DHRS7: variants seen among roughly 807,000 people sequenced by gnomAD.
The protein encoded by DHRS7 is dehydrogenase/reductase 7.
Under a neutral mutation model 38.9 loss-of-function variants are expected in DHRS7, and 34 were observed. The observed-to-expected ratio is 0.87, with a 90% confidence interval of 0.66 to 1.16. The LOEUF (loss-of-function observed/expected upper bound fraction) is 1.16, where lower values mean the gene tolerates loss of function less well. Among genes scored for constraint, DHRS7 ranks in the 50% most tolerant of loss-of-function variants. The pLI is 0.00. For missense variants in DHRS7, 421 were observed against 407.0 expected, an observed-to-expected ratio of 1.03 and a Z score of -0.30; for synonymous variants, 158 against 153.1, an observed-to-expected ratio of 1.03 and a Z score of -0.24.
In DHRS7 at chr14:60,146,002, T is replaced by C. The variant is rs191431445; in HGVS notation, c.973-989A>G. ...AGCATTTTCTTAACTTAGACGCTTATCAATAAGAAAATTTATATATATACA... is the reference window on the plus strand; with the variant it reads ...AGCATTTTCTTAACTTAGACGCTTACCAATAAGAAAATTTATATATATACA... On this transcript the variant is annotated intron_variant, in intron 6 of 6. Coordinates refer to ENST00000557185, the MANE Select transcript of DHRS7 (RefSeq NM_016029.4). This position sits in a 1 kb window ranked among gnomAD's most constrained non-coding sequence, Gnocchi z 4.9. 17 of 149,724 alleles carry C rather than the reference T, an allele frequency of 1.1e-4. No individual in the cohort carries two copies. Among genetic ancestry groups the C allele is most frequent in the Non-Finnish European group, 8.9e-5 (6 of 67,494 alleles). 9.3% of individuals were successfully genotyped at this position (149,724 alleles called of 1,614,324 possible).
At chr14:60,156,218 A>G (rs1896657634) in intron 1 of DHRS7, 66 bp from the exon 2 acceptor site, 2 of 1,344,098 alleles carry the variant, frequency 1.5e-6, no homozygotes, top group East Asian at 2.7e-5. Flanking sequence ...ATCCAAGATT[A>G]GAAAAAAAAA....
chr14:60,155,862 G>A (rs1439672985), intron 2 of DHRS7, 138 bp downstream of exon 2: 1 of 869,476 alleles, frequency 1.2e-6, no homozygotes, highest in Admixed American at 3.8e-5. Context: ...AGGCAAAAAG[G>A]AGAGGAACTG....
At chr14:60,154,090 GGA>G in intron 2 of DHRS7, 25 bp from the exon 3 acceptor site, 1 of 1,586,076 alleles carries the variant, frequency 6.3e-7, no homozygotes, top group South Asian at 1.1e-5. Flanking sequence ...AAATTTGTGT[GGA>G]AGTCATGCCA....
chr14:60,158,232 G>GAAAA lies in DHRS7; in HGVS notation c.134-2084_134-2081dup, dbSNP rs34207942. ...TGGGTGACAGAGTGAGACTCTGTCG[G>GAAAA]AAAAAAAAAAAAAAAAAAAAAAATC... On this transcript the variant is annotated intron_variant, in intron 1 of 6. Transcript: ENST00000557185. 1.9e-3 allele frequency among the ~76,000 whole-genome samples: 155 copies of GAAAA among 83,146 alleles called. 4 individuals are homozygous for GAAAA. In the East Asian group the frequency reaches 0.04, roughly 22 times the overall value. 54.5% of individuals were successfully genotyped at this position (83,146 alleles called of 152,430 possible). A position where few individuals can be genotyped will look rare whatever the true frequency, so the allele number is the denominator to read the frequency against.
upstream of DHRS7, among the ~76,000 whole-genome samples, chr14:60,166,634 CT>C (rs1221517359): frequency 4.4e-5 from 6 of 136,630 alleles, no homozygotes; most frequent in African/African-American, 2.0e-4. Context: ...TATAAACCCC[CT>C]ACCTGCCTCC....
In DHRS7 at chr14:60,162,378, T is replaced by TA. The variant is rs201218193; in HGVS notation, c.133+2798dup. ...ACAAAGCAAGACCTTGTCTCTCTAT[T>TA]AAAAAAAAAAAAAAATCACCATGTG... On this transcript the variant is annotated intron_variant, in intron 1 of 6. Transcript: ENST00000557185. The surrounding 1 kb of genome is among the most constrained non-coding windows in gnomAD (Gnocchi z 4.5). 5.2e-3 allele frequency among the ~76,000 whole-genome samples: 720 copies of TA among 139,150 alleles called. 3 individuals carry two copies. Among genetic ancestry groups the TA allele is most frequent in the African/African-American group, 0.011 (414 of 37,732 alleles). The allele number at this position is 139,150 out of a possible 152,430, so 91.3% of individuals were successfully genotyped here. A position where few individuals can be genotyped will look rare whatever the true frequency, so the allele number is the denominator to read the frequency against.
Position 60,165,031 on chromosome 14 carries a change from CT to C in DHRS7, c.133+145del. ...CCTCTTCCTCCCCAACCCGCAGCCC[CT>C]GCGTAAGGGGCAGCCGGGCCTTCGG... On this transcript the variant is annotated intron_variant, in intron 1 of 6. Transcript: ENST00000557185. This position sits in a 1 kb window ranked among gnomAD's most constrained non-coding sequence, Gnocchi z 4.6. 1 of 1,044,552 alleles carries C rather than the reference CT, an allele frequency of 9.6e-7. No homozygotes were observed. The highest frequency in any genetic ancestry group is 2.6e-5 in the East Asian group (1 of 38,238). The allele number at this position is 1,044,552 out of a possible 1,614,324, so 64.7% of individuals were successfully genotyped here. A position where few individuals can be genotyped will look rare whatever the true frequency, so the allele number is the denominator to read the frequency against.
chr14:60,155,691 C>T (rs1194150252), intron 2 of DHRS7: 2 of 200,528 alleles, frequency 1.0e-5, no homozygotes, highest in East Asian at 2.3e-4. Flanking sequence ...TGGATAAGAA[C>T]CCAACTGTTT....
chr14:60,154,008 G>C lies in DHRS7; in HGVS notation c.344C>G (p.Thr115Ser). 1 of 1,614,116 alleles carries C rather than the reference G, an allele frequency of 6.2e-7. No individual in the cohort carries two copies. The highest frequency in any genetic ancestry group is 8.5e-7 in the Non-Finnish European group (1 of 1,179,974). Residue 115 changes from threonine (T) to serine (S), a missense_variant, in exon 3 of 7, where the codon ACT becomes AGT. Transcript: ENST00000557185. ...ILVLPLDLTD[T>S]GSHEAATKAV... ...TTTGGTAGCCGCTTCATGGGAACCA[G>C]TGTCGGTCAGGTCAAGGGGCAAAAC...
chr14:60,158,232 GA>G (rs34207942), intron 1 of DHRS7, among the ~76,000 whole-genome samples: 304 of 83,158 alleles, frequency 3.7e-3, no homozygotes, highest in Admixed American at 8.6e-3. Flanking sequence ...GACTCTGTCG[GA>G]AAAAAAAAAA....
At position 60,162,952 on chromosome 14, in the gene DHRS7, C is replaced by T. The variant is rs1896792343; in HGVS notation, c.133+2225G>A. On this transcript the variant is annotated intron_variant, in intron 1 of 6. Transcript: ENST00000557185. This position sits in a 1 kb window ranked among gnomAD's most constrained non-coding sequence, Gnocchi z 4.5. ...TGGGAGGCAGAGCGGGGTGGATCAC[C>T]TGAGGTCAGGGGTTTGAGACTAGCC... 6.6e-6 allele frequency among the ~76,000 whole-genome samples: 1 copy of T among 152,092 alleles called. No individual in the cohort carries two copies. Among genetic ancestry groups the T allele is most frequent in the Admixed American group, 6.5e-5 (1 of 15,272 alleles).
At position 60,144,972 on chromosome 14, in the gene DHRS7, A is replaced by T; in HGVS notation, c.1014T>A (p.His338Gln). The T allele has an allele frequency of 6.2e-7, 1 of 1,605,334 alleles. No individual in the cohort carries two copies. Among genetic ancestry groups the T allele is most frequent in the Non-Finnish European group, 8.5e-7 (1 of 1,177,314 alleles). The part of the protein sequence containing the change: ...SSYFKIFKTK[H>Q]D ...AAAAGTACAGGTGCTCTTTTCAGTC[A>T]TGTTTTGTCTTAAAGATTTTAAAAT... Residue 338 changes from histidine (H) to glutamine (Q), a missense_variant, in exon 7 of 7, where the codon CAT becomes CAA. By Grantham distance (24) the His-to-Gln change is conservative (BLOSUM62 0). Coordinates refer to ENST00000557185, the MANE Select transcript of DHRS7 (RefSeq NM_016029.4).
Position 60,153,675 on chromosome 14 carries a change from G to A in DHRS7, c.393+284C>T, listed in dbSNP as rs530792584. 7.2e-5 allele frequency among the ~76,000 whole-genome samples: 11 copies of A among 151,730 alleles called. No individual in the cohort carries two copies. The East Asian group carries it at 9.7e-4, about 13-fold the overall frequency. On this transcript the variant is annotated intron_variant, in intron 3 of 6. Transcript: ENST00000557185. This position sits in a 1 kb window ranked among gnomAD's most constrained non-coding sequence, Gnocchi z 4.4. ...CACACCACTGCACTCCAGCCTGGGCGACAGAGCAAGACTTTGTCTCAAAAT... is the reference window on the plus strand; with the variant it reads ...CACACCACTGCACTCCAGCCTGGGCAACAGAGCAAGACTTTGTCTCAAAAT...
chr14:60,165,292 C>G lies in DHRS7; in HGVS notation c.18G>C (p.Leu6=). MNWEL[L]LWLLVLCALL... ...GCGCGCACAGCACCAGCAGCCACAG[C>G]AGCAGCTCCCAGTTCATTGCGGCCG... is the stretch of plus-strand genomic sequence containing the variant. Residue 6 remains leucine, a synonymous_variant, in exon 1 of 7, where the codon CTG becomes CTC. Transcript: ENST00000557185. This position sits in a 1 kb window ranked among gnomAD's most constrained non-coding sequence, Gnocchi z 4.6. 1 of 1,593,020 alleles carries G rather than the reference C, an allele frequency of 6.3e-7. No individual in the cohort carries two copies. Among genetic ancestry groups the G allele is most frequent in the Non-Finnish European group, 8.5e-7 (1 of 1,172,624 alleles).
intron 2 of DHRS7, among the ~76,000 whole-genome samples, chr14:60,154,985 T>C (rs1026763310): frequency 1.3e-5 from 2 of 151,808 alleles, no homozygotes; most frequent in Non-Finnish European, 2.9e-5. Context: ...CAACTAACTC[T>C]CATTTCTGGG....
chr14:60,157,100 A>T (rs1213792663), intron 1 of DHRS7, among the ~76,000 whole-genome samples: 1 of 152,208 alleles, frequency 6.6e-6, no homozygotes, highest in Non-Finnish European at 1.5e-5. Flanking sequence ...CCGATTTTAG[A>T]TCAGAAAAGT....
chr14:60,150,040 A>T (rs759872179), intron 5 of DHRS7, 25 bp downstream of exon 5: 47 of 1,594,864 alleles, frequency 2.9e-5, no homozygotes, highest in Non-Finnish European at 3.7e-5. Context: ...AAACATTCAA[A>T]TTATTCCCAA....
At chr14:60,150,676 A>G (rs562949971) in intron 4 of DHRS7, among the ~76,000 whole-genome samples, 3 of 152,200 alleles carry the variant, frequency 2.0e-5, no homozygotes, top group African/African-American at 2.4e-5. Context: ...ATAGTATTCC[A>G]TGGTGTATAT....
intron 1 of DHRS7, among the ~76,000 whole-genome samples, chr14:60,156,946 C>CT (rs1277159578): frequency 3.3e-5 from 5 of 152,174 alleles, no homozygotes; most frequent in Non-Finnish European, 7.4e-5. Flanking sequence ...CAATGAAAAA[C>CT]TTATTAGCAC....
Sources: allele counts gnomAD v4.1 joint callset (sites outside exome capture counted in the v4.1 genomes callset), GRCh38; gene constraint gnomAD v4.1.1; non-coding constraint Gnocchi (gnomAD v3.1); transcripts MANE v1.5; gene names NCBI Gene and HGNC (gene_info 2026-07-23, HGNC 2026-07-21).